NPHS1: variants seen among roughly 807,000 people sequenced by gnomAD.
NPHS1 encodes NPHS1 adhesion molecule, nephrin.
In NPHS1, 107 loss-of-function variants were observed where a neutral mutation model predicts 139.7. The ratio of observed to expected loss-of-function variants is 0.77; its 90% CI spans 0.66 to 0.90. The LOEUF is 0.90. NPHS1 is among the 40% of genes least tolerant of loss of function. The pLI is 0.00. For missense variants in NPHS1, 1,580 were observed against 1,654.2 expected, an observed-to-expected ratio of 0.96 and a Z score of 0.78; for synonymous variants, 707 against 706.6, an observed-to-expected ratio of 1.00 and a Z score of -0.01.
At chr19:35,837,050 G>C (rs1338811800) in intron 22 of NPHS1, among the ~76,000 whole-genome samples, 1 of 128,638 alleles carries the variant, frequency 7.8e-6, no homozygotes, top group Admixed American at 7.6e-5. Context: ...AAGAAAGAAA[G>C]AAAGAAAGAA....
At chr19:35,829,432 T>C (rs1972844917) in intron 28 of NPHS1, among the ~76,000 whole-genome samples, 1 of 152,184 alleles carries the variant, frequency 6.6e-6, no homozygotes, top group Admixed American at 6.6e-5. Context: ...AGTGGCACAA[T>C]CAGGGCTCAT....
Position 35,848,040 on chromosome 19 carries a change from C to G in NPHS1, c.1440+1G>C, listed in dbSNP as rs766278192. 6.2e-7 allele frequency: 1 copy of G among 1,613,824 alleles called. No individual in the cohort carries two copies. Among genetic ancestry groups the G allele is most frequent in the Non-Finnish European group, 8.5e-7 (1 of 1,180,020 alleles). On this transcript the variant is annotated splice_donor_variant, in intron 11 of 28. Coordinates refer to ENST00000378910, the MANE Select transcript of NPHS1 (RefSeq NM_004646.4). LOFTEE classifies it high-confidence loss of function. Reference sequence around the variant, plus strand: ...CCCCATAGCCCTGGCGTGGCACCAACCTTGTACCACATGAGGGAGGGCTCT... The same window carrying G: ...CCCCATAGCCCTGGCGTGGCACCAAGCTTGTACCACATGAGGGAGGGCTCT...
intron 20 of NPHS1, among the ~76,000 whole-genome samples, chr19:35,841,027 T>C (rs1180665470): frequency 6.6e-6 from 1 of 151,942 alleles, no homozygotes; most frequent in Non-Finnish European, 1.5e-5. Context: ...CTGTTTCCTC[T>C]GGGAATTCTA....
intron 22 of NPHS1, 47 bp downstream of exon 22, chr19:35,839,190 C>T (rs1209341529): frequency 2.5e-6 from 4 of 1,576,262 alleles, no homozygotes; most frequent in Non-Finnish European, 3.5e-6. Flanking sequence ...TACTACCCTA[C>T]ACATCCTCTG....
intron 20 of NPHS1, among the ~76,000 whole-genome samples, chr19:35,840,012 T>C (rs1227391327): frequency 1.3e-5 from 2 of 151,752 alleles, no homozygotes; most frequent in African/African-American, 2.4e-5. Flanking sequence ...TTTTTTTTTT[T>C]CTTTTTTTTT....
At position 35,851,636 on chromosome 19, in the gene NPHS1, C is replaced by T. The variant is rs781561486; in HGVS notation, c.95G>A (p.Arg32Gln). Residue 32 changes from arginine (R) to glutamine (Q), a missense_variant, in exon 2 of 29, where the codon CGG (arginine) becomes CAG (glutamine). Physicochemically the swap from Arg to Gln is conservative, Grantham distance 43. Coordinates refer to ENST00000378910, the MANE Select transcript of NPHS1 (RefSeq NM_004646.4). ...AQLAIPASVP[R>Q]GFWALPENLT... is the part of the protein sequence containing the mutation. Reference sequence around the variant, plus strand: ...GTTTTCAGGCAGGGCCCAGAAGCCCCGGGGAACGGAGGCAGGAATCGCCAA... The same window carrying T: ...GTTTTCAGGCAGGGCCCAGAAGCCCTGGGGAACGGAGGCAGGAATCGCCAA... 114 of 1,613,686 alleles carry T rather than the reference C, an allele frequency of 7.1e-5. No homozygotes were observed. The highest frequency in any genetic ancestry group is 8.4e-5 in the Non-Finnish European group (99 of 1,179,906).
intron 24 of NPHS1, 45 bp downstream of exon 24, chr19:35,831,598 A>G (rs1972885089): frequency 3.1e-6 from 5 of 1,612,352 alleles, no homozygotes; most frequent in Non-Finnish European, 4.2e-6. Context: ...AGGGTTCCCT[A>G]TCACCCTCGG....
intron 19 of NPHS1, 109 bp downstream of exon 19, chr19:35,842,015 C>T: frequency 7.0e-7 from 1 of 1,419,498 alleles, no homozygotes; most frequent in Non-Finnish European, 9.7e-7. Context: ...TTCACTCACT[C>T]ATTCCTCCAC....
chr19:35,834,040 C>T (rs1972920350), intron 23 of NPHS1, among the ~76,000 whole-genome samples: 1 of 151,772 alleles, frequency 6.6e-6, no homozygotes, highest in Non-Finnish European at 1.5e-5. Flanking sequence ...AGCTGCATTT[C>T]TGTCACTTGC....
In NPHS1 at chr19:35,839,380, T is replaced by C; in HGVS notation, c.2966A>G (p.Asp989Gly). 6.2e-7 allele frequency: 1 copy of C among 1,614,108 alleles called. No homozygotes were observed. The highest frequency in any genetic ancestry group is 8.5e-7 in the Non-Finnish European group (1 of 1,179,998). ...ALGTPGFHYV[D>G]VVPPQATTFT... is the part of the protein sequence containing the mutation. ...GGTGGTGGCCTGGGGTGGTACGACA[T>C]CCACATAGTGGAACCCTGGAGTCCC... Residue 989 changes from aspartate to glycine, a missense_variant, in exon 22 of 29, where the codon GAT becomes GGT. By Grantham distance (94) the Asp-to-Gly change is moderately conservative (BLOSUM62 -1). Transcript: ENST00000378910.
chr19:35,845,651 G>A lies in NPHS1; in HGVS notation c.1757+18C>T, dbSNP rs1466032142. ...GCGAGGCCAGACCAGAGAGGGGAGG[G>A]ATCCCTCGCACTCCCACCTCTCCCC... On this transcript the variant is annotated intron_variant, in intron 13 of 28. Transcript: ENST00000378910. The surrounding 1 kb of genome is among the most constrained non-coding windows in gnomAD (Gnocchi z 5.5). 2.5e-6 allele frequency: 4 copies of A among 1,612,448 alleles called. No individual in the cohort carries two copies. Among genetic ancestry groups the A allele is most frequent in the African/African-American group, 1.3e-5 (1 of 75,042 alleles).
In NPHS1 at chr19:35,845,432, G is replaced by T; in HGVS notation, c.1866C>A (p.Thr622=). 1.2e-6 allele frequency: 2 copies of T among 1,614,202 alleles called. No homozygotes were observed. The highest frequency in any genetic ancestry group is 1.1e-5 in the South Asian group (1 of 91,086). Residue 622 remains threonine, a synonymous_variant, in exon 14 of 29, where the codon ACC becomes ACA. Coordinates refer to ENST00000378910, the MANE Select transcript of NPHS1 (RefSeq NM_004646.4). The surrounding 1 kb of genome is among the most constrained non-coding windows in gnomAD (Gnocchi z 5.5). Reference sequence around the variant, plus strand: ...GGAGCTCGGCGCTGTGGGCGCGGCAGGTCACGCGCTGGCCATGATCGCGGG... The same window carrying T: ...GGAGCTCGGCGCTGTGGGCGCGGCATGTCACGCGCTGGCCATGATCGCGGG... ...VSSRDHGQRV[T]CRAHSAELRE...
At chr19:35,834,903 TAA>T (rs199751686) in intron 23 of NPHS1, among the ~76,000 whole-genome samples, 39 of 112,764 alleles carry the variant, frequency 3.5e-4, no homozygotes, top group Middle Eastern at 7.0e-3. Context: ...AATAAAAAAA[TAA>T]AAAAAAAAAA....
chr19:35,843,547 G>A lies in NPHS1; in HGVS notation c.2259C>T (p.Val753=), dbSNP rs766951918. Residue 753 remains valine (V), a synonymous_variant, in exon 17 of 29, where the codon GTC becomes GTT. Transcript: ENST00000378910. ...TGCAGACTATGTCCACAGAACCCCC[G>A]ACGTTCACCTCAGTGGGGTCCTGGA... is the stretch of plus-strand genomic sequence containing the variant. ...RALQDPTEVN[V]GGSVDIVCTV... is the part of the protein sequence containing the mutation. 1.2e-6 allele frequency: 2 copies of A among 1,614,138 alleles called. No individual in the cohort carries two copies. Among genetic ancestry groups the A allele is most frequent in the Non-Finnish European group, 8.5e-7 (1 of 1,179,996 alleles).
At position 35,845,216 on chromosome 19, in the gene NPHS1, C is replaced by T. The variant is rs1599843183; in HGVS notation, c.1930+152G>A. 1.2e-6 allele frequency: 1 copy of T among 855,408 alleles called. No homozygotes were observed. Among genetic ancestry groups the T allele is most frequent in the African/African-American group, 1.7e-5 (1 of 59,122 alleles). 53.0% of individuals were successfully genotyped at this position (855,408 alleles called of 1,614,324 possible). A position where few individuals can be genotyped will look rare whatever the true frequency, so the allele number is the denominator to read the frequency against. Reference sequence around the variant, plus strand: ...GCTCAGGAGTTGGAGACTGCAGTGACCTATGATTGCGTCACTGCATTGCAG... The same window carrying T: ...GCTCAGGAGTTGGAGACTGCAGTGATCTATGATTGCGTCACTGCATTGCAG... On this transcript the variant is annotated intron_variant, in intron 14 of 28. Coordinates refer to ENST00000378910, the MANE Select transcript of NPHS1 (RefSeq NM_004646.4). This position sits in a 1 kb window ranked among gnomAD's most constrained non-coding sequence, Gnocchi z 5.5.
rs386833942 is a variant in NPHS1 at position 35,851,090 on chromosome 19, C to G, written c.398-1G>C. On this transcript the variant is annotated splice_acceptor_variant, in intron 3 of 28. Coordinates refer to ENST00000378910, the MANE Select transcript of NPHS1 (RefSeq NM_004646.4). LOFTEE classifies it high-confidence loss of function. ...GTCAGCAGGAGCAGCTTGGGAGGAA[C>G]TGGTGAGAGAAGGGTCTGGGGTAAG... 1.2e-6 allele frequency: 2 copies of G among 1,614,166 alleles called. No individual in the cohort carries two copies. The highest frequency in any genetic ancestry group is 1.7e-6 in the Non-Finnish European group (2 of 1,180,036).
chr19:35,840,296 C>T (rs1237488572), intron 20 of NPHS1, among the ~76,000 whole-genome samples: 1 of 151,440 alleles, frequency 6.6e-6, no homozygotes, highest in African/African-American at 2.4e-5. Context: ...TGAGCCACCG[C>T]GCCTGGCATG....
chr19:35,838,697 A>T (rs1006340746), intron 22 of NPHS1, among the ~76,000 whole-genome samples: 2 of 152,016 alleles, frequency 1.3e-5, no homozygotes, highest in Non-Finnish European at 1.5e-5. Flanking sequence ...AGAATACAAA[A>T]TTAGCTGGGG....
chr19:35,843,356 A>T, intron 17 of NPHS1, 116 bp downstream of exon 17: 1 of 1,278,372 alleles, frequency 7.8e-7, no homozygotes, highest in South Asian at 1.2e-5. Context: ...TGCCCTGGCG[A>T]GTATATAGTT....
Sources: allele counts gnomAD v4.1 joint callset (sites outside exome capture counted in the v4.1 genomes callset), GRCh38; gene constraint gnomAD v4.1.1; non-coding constraint Gnocchi (gnomAD v3.1); transcripts MANE v1.5; gene names NCBI Gene and HGNC (gene_info 2026-07-23, HGNC 2026-07-21).